The following SLC8A3 variants were observed in gnomAD, a reference collection of about 807,000 sequenced individuals.
The protein encoded by SLC8A3 is solute carrier family 8 member A3, also known as sodium/calcium exchanger 3.
In SLC8A3, 37 loss-of-function variants were observed where a neutral mutation model predicts 65.4. The observed-to-expected ratio is 0.57, with a 90% CI of 0.44 to 0.74. SLC8A3 has a LOEUF of 0.74. SLC8A3 is among the 30% of genes least tolerant of loss of function. The pLI, the probability that SLC8A3 is intolerant of heterozygous loss-of-function variation, is 0.00. For missense variants in SLC8A3, 1,112 were observed against 1,172.1 expected (o/e 0.95, Z 0.75); for synonymous variants, 461 against 444.5 (o/e 1.04, Z -0.47).
At chr14:70,121,194 G>A (rs1894028155) in intron 2 of SLC8A3, among the ~76,000 whole-genome samples, 1 of 151,862 alleles carries the variant, frequency 6.6e-6, no homozygotes, top group Non-Finnish European at 1.5e-5. Context: ...AGATTAAACA[G>A]CTCATCTGAT....
rs543774504 is a variant in SLC8A3, at chr14:70,074,206, C to A, written c.1785-13267G>T. 3.3e-5 allele frequency among the ~76,000 whole-genome samples: 5 copies of A among 152,254 alleles called. No individual in the cohort carries two copies. In the South Asian group the frequency reaches 1.0e-3, roughly 32 times the overall value. On this transcript the variant is annotated intron_variant, in intron 2 of 6. Coordinates refer to ENST00000356921, the MANE Select transcript of SLC8A3 (RefSeq NM_182932.3). Reference sequence around the variant, plus strand: ...TACAGGTTGCATGTTAGCTACTGTCCCCATTTGGGGTGTGTTGAATTGTGG... The same window carrying A: ...TACAGGTTGCATGTTAGCTACTGTCACCATTTGGGGTGTGTTGAATTGTGG...
chr14:70,139,249 T>C (rs546353301), intron 2 of SLC8A3, among the ~76,000 whole-genome samples: 1 of 151,980 alleles, frequency 6.6e-6, no homozygotes, highest in Non-Finnish European at 1.5e-5. Context: ...CCTCCTTTCA[T>C]GAGGGAAAGG....
chr14:70,120,857 A>G (rs1250318194), intron 2 of SLC8A3, among the ~76,000 whole-genome samples: 7 of 152,238 alleles, frequency 4.6e-5, no homozygotes, highest in Admixed American at 4.6e-4. Context: ...TCTTTAAGAT[A>G]TGATTTCTGG....
chr14:70,155,726 C>A (rs560038009), intron 2 of SLC8A3, among the ~76,000 whole-genome samples: 1 of 152,338 alleles, frequency 6.6e-6, no homozygotes, highest in Admixed American at 6.5e-5. Flanking sequence ...GTAACCAAAG[C>A]TGTGCCCATT....
chr14:70,070,396 A>C (rs1186979055), intron 2 of SLC8A3, among the ~76,000 whole-genome samples: 2 of 152,204 alleles, frequency 1.3e-5, no homozygotes, highest in Non-Finnish European at 2.9e-5. Flanking sequence ...ATTCCCACAC[A>C]TGAAGAACCA....
intron 2 of SLC8A3, among the ~76,000 whole-genome samples, chr14:70,066,228 G>A (rs1183295887): frequency 1.3e-5 from 2 of 152,206 alleles, no homozygotes; most frequent in Non-Finnish European, 2.9e-5. Flanking sequence ...ACCTTGCCTG[G>A]AGGCTAGAAA....
At chr14:70,161,182 C>T (rs945131356) in intron 2 of SLC8A3, among the ~76,000 whole-genome samples, 5 of 137,124 alleles carry the variant, frequency 3.6e-5, no homozygotes, top group Non-Finnish European at 7.7e-5. Flanking sequence ...CCTAGCTACT[C>T]GGGAGGCTGA....
At chr14:70,157,227 T>G (rs1012595753) in intron 2 of SLC8A3, among the ~76,000 whole-genome samples, 1 of 152,196 alleles carries the variant, frequency 6.6e-6, no homozygotes, top group Admixed American at 6.5e-5. Context: ...GTGTGCCAGT[T>G]TGGAGTTGAC....
chr14:70,089,490 G>T (rs1891671610), intron 2 of SLC8A3, among the ~76,000 whole-genome samples: 1 of 152,194 alleles, frequency 6.6e-6, no homozygotes, highest in African/African-American at 2.4e-5. Context: ...GTTTGCTACT[G>T]GGTGAAAGAG....
chr14:70,083,586 C>A (rs975241824), intron 2 of SLC8A3, among the ~76,000 whole-genome samples: 4 of 152,206 alleles, frequency 2.6e-5, no homozygotes, highest in South Asian at 2.1e-4. Context: ...CTTCTAATCC[C>A]TGAAGGGTAG....
At chr14:70,047,311 TTTG>T (rs2139682778) in intron 6 of SLC8A3, 1 of 152,274 alleles carries the variant, frequency 6.6e-6, no homozygotes, top group South Asian at 2.1e-4. Context: ...GCCTTGTTTT[TTTG>T]TTTGTTTGTT....
At chr14:70,164,789 C>T (rs1897077520) in intron 2 of SLC8A3, among the ~76,000 whole-genome samples, 1 of 152,188 alleles carries the variant, frequency 6.6e-6, no homozygotes, top group Non-Finnish European at 1.5e-5. Flanking sequence ...ACCATATCTT[C>T]TTCCACACTG....
chr14:70,139,912 T>A (rs1202050549), intron 2 of SLC8A3, among the ~76,000 whole-genome samples: 1 of 152,096 alleles, frequency 6.6e-6, no homozygotes, highest in Non-Finnish European at 1.5e-5. Flanking sequence ...ATCTCCCCCT[T>A]TCCCTTGAAA....
chr14:70,048,477 TAATAA>T, intron 6 of SLC8A3: 1 of 602,110 alleles, frequency 1.7e-6, no homozygotes, highest in Admixed American at 2.9e-5. Context: ...GAAGTGGGGA[TAATAA>T]CTTACCCTAT....
At chr14:70,067,763 A>T (rs1218035891) in intron 2 of SLC8A3, among the ~76,000 whole-genome samples, 1 of 152,118 alleles carries the variant, frequency 6.6e-6, no homozygotes, top group African/African-American at 2.4e-5. Context: ...ACATTTGTCT[A>T]CTCCAAGGAA....
At position 70,044,640 on chromosome 14, in the gene SLC8A3, T is replaced by G. The variant is rs537124319; in HGVS notation, c.*1307A>C. 6.6e-6 allele frequency: 1 copy of G among 152,094 alleles called. No individual in the cohort carries two copies. The highest frequency in any genetic ancestry group is 1.5e-5 in the Non-Finnish European group (1 of 68,026). 9.4% of individuals were successfully genotyped at this position (152,094 alleles called of 1,614,324 possible). ...CCCATAGGCTGGAAAAATAGCTTCATGAAGTTTAAGAACAAGCAGGAACAT... is the reference window on the plus strand; with the variant it reads ...CCCATAGGCTGGAAAAATAGCTTCAGGAAGTTTAAGAACAAGCAGGAACAT... On this transcript the variant is annotated 3_prime_UTR_variant, in exon 7 of 7. Transcript: ENST00000356921.
In SLC8A3 at chr14:70,052,433, A is replaced by G. The variant is rs151039533; in HGVS notation, c.1889-319T>C. On this transcript the variant is annotated intron_variant, in intron 3 of 6. Transcript: ENST00000356921. Reference sequence around the variant, plus strand: ...AGTGAGATGTTGGGGAACTGGGAAGAAAGGGCAAGTGTTTTGACCTTGAAC... The same window carrying G: ...AGTGAGATGTTGGGGAACTGGGAAGGAAGGGCAAGTGTTTTGACCTTGAAC... Among the ~76,000 whole-genome samples, 306 of 152,318 alleles carry G rather than the reference A, an allele frequency of 2.0e-3. 3 individuals are homozygous for G. Among genetic ancestry groups the G allele is most frequent in the African/African-American group, 6.8e-3 (282 of 41,574 alleles).
intron 2 of SLC8A3, among the ~76,000 whole-genome samples, chr14:70,086,493 C>T (rs1891456298): frequency 6.7e-6 from 1 of 150,304 alleles, no homozygotes; most frequent in African/African-American, 2.5e-5. Context: ...CCTCCGCCTC[C>T]CAGGTTCAAG....
intron 2 of SLC8A3, among the ~76,000 whole-genome samples, chr14:70,129,336 T>C (rs1894676650): frequency 6.6e-6 from 1 of 152,154 alleles, no homozygotes; most frequent in Non-Finnish European, 1.5e-5. Context: ...GCTAAATAAC[T>C]CTGAGAAAAC....
Sources: gnomAD v4.1 joint callset for allele counts (sites outside exome capture counted in the v4.1 genomes callset) on GRCh38, gnomAD v4.1.1 for gene constraint, MANE v1.5 for transcripts, NCBI Gene and HGNC (gene_info 2026-07-23, HGNC 2026-07-21) for gene names.